TRAK1: variants seen among roughly 807,000 people sequenced by gnomAD.
The protein encoded by TRAK1 is trafficking kinesin-binding protein 1.
A neutral mutation model predicts 92.1 loss-of-function variants in TRAK1; 33 were observed. That is an observed-to-expected ratio of 0.36 (90% CI 0.27 to 0.48). The LOEUF is 0.48. TRAK1 is among the 20% of genes least tolerant of loss of function. The probability of loss-of-function intolerance (pLI) is 0.99; values close to 1 mark genes in which losing one functional copy is unlikely to be tolerated. For missense variants in TRAK1, 1,123 were observed against 1,257.9 expected (o/e 0.89, Z 1.62); for synonymous variants, 521 against 517.3 (o/e 1.01, Z -0.10).
intron 1 of TRAK1, among the ~76,000 whole-genome samples, chr3:42,023,075 G>A (rs1358449792): frequency 1.4e-5 from 2 of 146,530 alleles, no homozygotes; most frequent in Non-Finnish European, 3.0e-5. Flanking sequence ...GGAGAATGGC[G>A]TGAACACGGG....
At chr3:42,027,830 C>A (rs957491867) in intron 1 of TRAK1, among the ~76,000 whole-genome samples, 1 of 152,070 alleles carries the variant, frequency 6.6e-6, no homozygotes, top group Non-Finnish European at 1.5e-5. Flanking sequence ...AAGTAGGAAG[C>A]CTTTTATCTC....
At chr3:42,155,753 C>T (rs1409344293) in intron 2 of TRAK1, among the ~76,000 whole-genome samples, 1 of 152,200 alleles carries the variant, frequency 6.6e-6, no homozygotes, top group Non-Finnish European at 1.5e-5. Context: ...CTGTGGAGCA[C>T]TTGAGATATG....
At chr3:42,158,612 A>G (rs1040313998) in intron 2 of TRAK1, among the ~76,000 whole-genome samples, 7 of 150,244 alleles carry the variant, frequency 4.7e-5, no homozygotes, top group Admixed American at 4.6e-4. Flanking sequence ...CACATCTTTA[A>G]CATGGTAAAA....
chr3:42,163,767 C>T (rs1331414576), intron 2 of TRAK1, among the ~76,000 whole-genome samples: 5 of 152,084 alleles, frequency 3.3e-5, no homozygotes. Context: ...AGAGATTTTG[C>T]CTTGTATTTG....
intron 1 of TRAK1, among the ~76,000 whole-genome samples, chr3:42,041,326 ACTT>A (rs1023137870): frequency 6.6e-6 from 1 of 151,954 alleles, no homozygotes; most frequent in Non-Finnish European, 1.5e-5. Flanking sequence ...CAAATCTTTT[ACTT>A]CTTTTGTTGA....
intron 1 of TRAK1, among the ~76,000 whole-genome samples, chr3:42,117,118 C>T (rs988407144): frequency 1.3e-5 from 2 of 152,122 alleles, no homozygotes; most frequent in African/African-American, 4.8e-5. Context: ...CGGCTGCCCC[C>T]CAGACACAGC....
chr3:42,058,167 C>T (rs1703274569), intron 1 of TRAK1, among the ~76,000 whole-genome samples: 1 of 152,124 alleles, frequency 6.6e-6, no homozygotes, highest in South Asian at 2.1e-4. Context: ...CTCCTTGGAA[C>T]CTCCTCATCT....
At chr3:42,151,771 T>G (rs1170611802) in intron 2 of TRAK1, among the ~76,000 whole-genome samples, 1 of 152,238 alleles carries the variant, frequency 6.6e-6, no homozygotes, top group Non-Finnish European at 1.5e-5. Context: ...AATTTGCCCC[T>G]GTTTATATGT....
chr3:42,203,661 T>TA (rs1031481123), intron 13 of TRAK1: 43 of 985,268 alleles, frequency 4.4e-5, no homozygotes, highest in African/African-American at 2.4e-4. Context: ...GTGTTACACT[T>TA]ACGATGCAAA....
At chr3:42,186,166 A>G (rs1028467271) in intron 4 of TRAK1, among the ~76,000 whole-genome samples, 11 of 150,876 alleles carry the variant, frequency 7.3e-5, no homozygotes, top group Non-Finnish European at 1.6e-4. Flanking sequence ...TGTTTTTTAT[A>G]GAGAAGGGTT....
At chr3:42,019,070 C>A (rs1397576860) in intron 1 of TRAK1, among the ~76,000 whole-genome samples, 2 of 151,284 alleles carry the variant, frequency 1.3e-5, no homozygotes, top group Admixed American at 6.6e-5. Flanking sequence ...TGCATTGAGC[C>A]AAGATCGCAC....
At position 42,210,515 on chromosome 3, in the gene TRAK1, G is replaced by A; in HGVS notation, c.1963+530G>A. 7.6e-6 allele frequency: 9 copies of A among 1,181,124 alleles called. No individual in the cohort carries two copies. The South Asian group carries it at 2.7e-4, about 36-fold the overall frequency. The allele number at this position is 1,181,124 out of a possible 1,614,324, so 73.2% of individuals were successfully genotyped here. A position where few individuals can be genotyped will look rare whatever the true frequency, so the allele number is the denominator to read the frequency against. ...TAAGGGGAAGATTCTCAAGTCCCCT[G>A]GTGATTTCCAAGTGGAGCTGAGCAG... On this transcript the variant is annotated intron_variant, in intron 14 of 15. Coordinates refer to ENST00000327628, the MANE Select transcript of TRAK1 (RefSeq NM_001042646.3).
intron 2 of TRAK1, among the ~76,000 whole-genome samples, chr3:42,158,787 C>CAAAAAAAAAA (rs149521969): frequency 1.2e-3 from 80 of 69,332 alleles, no homozygotes; most frequent in African/African-American, 2.1e-3. Flanking sequence ...ACAAAAAATA[C>CAAAAAAAAAA]AAAAAAAAAA....
chr3:42,094,144 C>A (rs1052195421), intron 1 of TRAK1, among the ~76,000 whole-genome samples: 64 of 152,298 alleles, frequency 4.2e-4, no homozygotes, highest in African/African-American at 1.5e-3. Flanking sequence ...TCGGCACCTT[C>A]CTGCTCAGCC....
intron 1 of TRAK1, among the ~76,000 whole-genome samples, chr3:42,016,193 T>C (rs1199665296): frequency 1.3e-5 from 2 of 152,098 alleles, no homozygotes; most frequent in Non-Finnish European, 2.9e-5. Flanking sequence ...TGTCATTGCA[T>C]TCTGGTTTTT....
chr3:42,154,311 T>G (rs2149271681), intron 2 of TRAK1, among the ~76,000 whole-genome samples: 1 of 152,202 alleles, frequency 6.6e-6, no homozygotes, highest in South Asian at 2.1e-4. Context: ...TAGTTAGGAT[T>G]ACAGGTGTCC....
At chr3:42,079,435 T>C (rs560279141) in intron 1 of TRAK1, among the ~76,000 whole-genome samples, 102 of 151,242 alleles carry the variant, frequency 6.7e-4, no homozygotes, top group Non-Finnish European at 1.3e-3. Context: ...TCTCATTTTC[T>C]CCTTACAATC....
chr3:42,201,110 G>C (rs1240718442), intron 12 of TRAK1, 56 bp downstream of exon 12: 11 of 1,552,844 alleles, frequency 7.1e-6, no homozygotes, highest in Non-Finnish European at 8.9e-6. Context: ...TGGTAGTATG[G>C]ATTGTCTGCA....
chr3:42,046,126 T>C (rs1702739806), intron 1 of TRAK1, among the ~76,000 whole-genome samples: 1 of 152,134 alleles, frequency 6.6e-6, no homozygotes, highest in Non-Finnish European at 1.5e-5. Context: ...CTCTTTCCTA[T>C]GTCAGGCCGG....
Sources: gnomAD v4.1 joint callset for allele counts (sites outside exome capture counted in the v4.1 genomes callset) on GRCh38, gnomAD v4.1.1 for gene constraint, MANE v1.5 for transcripts, NCBI Gene and HGNC (gene_info 2026-07-23, HGNC 2026-07-21) for gene names.